Variants in DNAH12 observed in about 807,000 individuals in gnomAD.
DNAH12 encodes axonemal beta dynein heavy chain 12.
DNAH12 carries 285 observed loss-of-function variants against 371.5 expected under a neutral mutation model. That is an observed-to-expected ratio of 0.77 (90% CI 0.70 to 0.85). The LOEUF is 0.85. Ranked by LOEUF, DNAH12 falls within the 40% of genes least tolerant of loss-of-function variation. The pLI is 0.00. For missense variants in DNAH12, 3,611 were observed against 3,689.4 expected (o/e 0.98, Z 0.55); for synonymous variants, 1,200 against 1,213.0 (o/e 0.99, Z 0.22).
At chr3:57,555,852 G>A in the DNAH12 span, among the ~76,000 whole-genome samples, 3 of 152,244 alleles carry the variant, frequency 2.0e-5, no homozygotes, top group South Asian at 6.2e-4. Flanking sequence ...CGAGCGATCA[G>A]GGTCGGCAAA....
intron 12 of DNAH12, among the ~76,000 whole-genome samples, chr3:57,483,747 A>G (rs1575666723): frequency 6.6e-6 from 1 of 151,726 alleles, no homozygotes; most frequent in African/African-American, 2.4e-5. Context: ...GGAGTTCAAA[A>G]CCAGCCTGTG....
At chr3:57,446,320 A>G (rs1391261817) in intron 26 of DNAH12, 50 bp from the exon 27 acceptor site, 6 of 1,519,348 alleles carry the variant, frequency 3.9e-6, no homozygotes, top group African/African-American at 2.8e-5. Context: ...AAAGGATATC[A>G]TCTCTTAAAA....
chr3:57,328,551 G>T (rs1422690252), intron 62 of DNAH12, among the ~76,000 whole-genome samples: 1 of 151,794 alleles, frequency 6.6e-6, no homozygotes, highest in Non-Finnish European at 1.5e-5. Flanking sequence ...GGTATTGATG[G>T]GATGTATCTG....
chr3:57,341,163 C>G (rs1314579446), intron 60 of DNAH12, among the ~76,000 whole-genome samples: 1 of 152,090 alleles, frequency 6.6e-6, no homozygotes, highest in Non-Finnish European at 1.5e-5. Context: ...AAACCCACAG[C>G]TACCATATAC....
chr3:57,397,918 C>T (rs2153349853), intron 43 of DNAH12, among the ~76,000 whole-genome samples: 1 of 152,070 alleles, frequency 6.6e-6, no homozygotes, highest in South Asian at 2.1e-4. Flanking sequence ...AAACGTGGCC[C>T]AGTCAAAGAA....
At chr3:57,524,082 G>A (rs1158932156) in intron 2 of DNAH12, among the ~76,000 whole-genome samples, 198 bp from the exon 3 acceptor site, 2 of 152,014 alleles carry the variant, frequency 1.3e-5, no homozygotes, top group Non-Finnish European at 2.9e-5. Flanking sequence ...ATGTAACAGG[G>A]TGAAACTAAA....
intron 65 of DNAH12, among the ~76,000 whole-genome samples, chr3:57,321,085 T>C (rs946129420): frequency 6.6e-6 from 1 of 152,142 alleles, no homozygotes; most frequent in Admixed American, 6.6e-5. Flanking sequence ...ATAATCTGAG[T>C]CCCAAATTAG....
chr3:57,422,347 C>A (rs2064615823), intron 35 of DNAH12, among the ~76,000 whole-genome samples: 1 of 152,208 alleles, frequency 6.6e-6, no homozygotes, highest in South Asian at 2.1e-4. Flanking sequence ...CCTGCCTCAG[C>A]CTCCCGAGTA....
At chr3:57,372,949 T>G (rs1450312044) in intron 55 of DNAH12, among the ~76,000 whole-genome samples, 1 of 152,096 alleles carries the variant, frequency 6.6e-6, no homozygotes, top group African/African-American at 2.4e-5. Flanking sequence ...CTCACTAAAA[T>G]TAGAAAGACT....
At chr3:57,367,158 T>A (rs1476553069) in intron 56 of DNAH12, among the ~76,000 whole-genome samples, 1 of 152,078 alleles carries the variant, frequency 6.6e-6, no homozygotes, top group East Asian at 1.9e-4. Flanking sequence ...TGAAACCCCA[T>A]CTCTACTAAA....
At chr3:57,482,078 A>C (rs1358761535) in intron 13 of DNAH12, among the ~76,000 whole-genome samples, 3 of 152,154 alleles carry the variant, frequency 2.0e-5, no homozygotes, top group Admixed American at 6.5e-5. Flanking sequence ...AATGGGATCT[A>C]ATTAAACTAA....
chr3:57,500,980 T>C (rs1283745431), intron 11 of DNAH12, among the ~76,000 whole-genome samples: 2 of 152,146 alleles, frequency 1.3e-5, no homozygotes, highest in Non-Finnish European at 1.5e-5. Context: ...ACGGTCTCAC[T>C]ATGTTGCCCA....
chr3:57,397,820 A>C (rs909113236), intron 43 of DNAH12, among the ~76,000 whole-genome samples: 3 of 152,182 alleles, frequency 2.0e-5, no homozygotes, highest in African/African-American at 7.2e-5. Flanking sequence ...TCTTCCCTGC[A>C]TGAGGCCAGT....
chr3:57,306,948 C>T (rs989361234), intron 69 of DNAH12, among the ~76,000 whole-genome samples: 4 of 152,184 alleles, frequency 2.6e-5, no homozygotes. Context: ...GCTTTCTTTA[C>T]TATTCTTTGC....
intron 8 of DNAH12, 149 bp from the exon 9 acceptor site, chr3:57,504,353 T>A: frequency 1.5e-6 from 1 of 654,064 alleles, no homozygotes; most frequent in Non-Finnish European, 2.5e-6. Context: ...TTATCTTCAT[T>A]CAGCATACTA....
chr3:57,404,783 T>C (rs1553680457), intron 42 of DNAH12, among the ~76,000 whole-genome samples, 186 bp downstream of exon 42: 1 of 152,154 alleles, frequency 6.6e-6, no homozygotes, highest in Non-Finnish European at 1.5e-5. Context: ...TGACACAGGA[T>C]GCAGTGAGAC....
intron 13 of DNAH12, among the ~76,000 whole-genome samples, chr3:57,476,981 A>G (rs2066550223): frequency 6.6e-6 from 1 of 152,222 alleles, no homozygotes; most frequent in African/African-American, 2.4e-5. Context: ...GCTCCAGTCT[A>G]CAGCTCCCAG....
chr3:57,348,122 C>A (rs375694706), intron 60 of DNAH12, among the ~76,000 whole-genome samples: 1 of 152,076 alleles, frequency 6.6e-6, no homozygotes, highest in East Asian at 1.9e-4. Context: ...CTAAGATGTC[C>A]ATCAGTAGGT....
chr3:57,293,740 T>C lies in DNAH12; in HGVS notation c.*41A>G, dbSNP rs934720013. 16 of 1,520,798 alleles carry C rather than the reference T, an allele frequency of 1.1e-5. No individual in the cohort carries two copies. The highest frequency in any genetic ancestry group is 2.8e-5 in the African/African-American group (2 of 70,880). The allele number at this position is 1,520,798 out of a possible 1,614,324, so 94.2% of individuals were successfully genotyped here. A position where few individuals can be genotyped will look rare whatever the true frequency, so the allele number is the denominator to read the frequency against. The stretch of plus-strand genomic sequence containing the variant: ...ATATATTTTAAGTAGGACAGGTTTT[T>C]TTTTTTTTAAACTTTTGGATGTTTT... On this transcript the variant is annotated 3_prime_UTR_variant, in exon 74 of 74. Coordinates refer to ENST00000495027, the MANE Select transcript of DNAH12 (RefSeq NM_001366028.2).
Sources: allele counts gnomAD v4.1 joint callset (sites outside exome capture counted in the v4.1 genomes callset), GRCh38; gene constraint gnomAD v4.1.1; transcripts MANE v1.5; gene names NCBI Gene and HGNC (gene_info 2026-07-23, HGNC 2026-07-21).